Variants in NRG1 observed in about 807,000 individuals in gnomAD.
NRG1 encodes the protein neuregulin 1.
Under a neutral mutation model 63.8 loss-of-function variants are expected in NRG1, and 18 were observed. The observed-to-expected ratio is 0.28, with a 90% CI of 0.19 to 0.42. NRG1 has a LOEUF of 0.42. Among genes scored for constraint, NRG1 ranks in the 10% least tolerant of loss-of-function variants. The probability of loss-of-function intolerance (pLI) is 1.00; values close to 1 mark genes in which losing one functional copy is unlikely to be tolerated. For missense variants in NRG1, 762 were observed against 814.7 expected (o/e 0.94, Z 0.79); for synonymous variants, 302 against 301.3 (o/e 1.00, Z -0.02).
chr8:32,067,235 A>G (rs1586858132), intron 1 of NRG1, among the ~76,000 whole-genome samples: 1 of 152,164 alleles, frequency 6.6e-6, no homozygotes, highest in Non-Finnish European at 1.5e-5. Context: ...GTTGAATAGG[A>G]GTGGTGAGAG....
chr8:31,889,392 A>G (rs998289128), intron 1 of NRG1, among the ~76,000 whole-genome samples: 1 of 152,202 alleles, frequency 6.6e-6, no homozygotes, highest in Non-Finnish European at 1.5e-5. Flanking sequence ...TGAGCTAAAC[A>G]TGTGTCTACT....
At chr8:32,413,468 A>G (rs1389456509) in intron 1 of NRG1, among the ~76,000 whole-genome samples, 1 of 152,316 alleles carries the variant, frequency 6.6e-6, no homozygotes, top group African/African-American at 2.4e-5. Context: ...TTTTACTTCT[A>G]TTCTGAAGCA....
chr8:32,323,559 A>T (rs1398034364), intron 1 of NRG1, among the ~76,000 whole-genome samples: 4 of 152,226 alleles, frequency 2.6e-5, no homozygotes, highest in African/African-American at 9.6e-5. Context: ...ATGGTCCTGC[A>T]GGGATTGGAG....
chr8:31,891,439 A>G (rs1004976279), intron 1 of NRG1, among the ~76,000 whole-genome samples: 2 of 152,216 alleles, frequency 1.3e-5, no homozygotes, highest in African/African-American at 4.8e-5. Flanking sequence ...ACAATGAGGT[A>G]TCACTATCCA....
At chr8:32,353,089 C>T (rs1441210576) in intron 1 of NRG1, among the ~76,000 whole-genome samples, 1 of 150,304 alleles carries the variant, frequency 6.7e-6, no homozygotes, top group Non-Finnish European at 1.5e-5. Context: ...ACAAAAATAT[C>T]CTAGGCCTTC....
intron 1 of NRG1, among the ~76,000 whole-genome samples, chr8:32,066,613 A>C (rs1824863931): frequency 6.6e-6 from 1 of 151,468 alleles, no homozygotes; most frequent in Non-Finnish European, 1.5e-5. Context: ...GTTTGAAGTC[A>C]GGTAGCATGA....
chr8:31,863,042 T>C (rs755354864), intron 1 of NRG1, among the ~76,000 whole-genome samples: 46 of 152,176 alleles, frequency 3.0e-4, no homozygotes, highest in Non-Finnish European at 5.9e-4. Flanking sequence ...GGGTAGAGGT[T>C]GCAGAGCTTA....
intron 1 of NRG1, among the ~76,000 whole-genome samples, chr8:32,268,110 C>A (rs535501233): frequency 6.6e-6 from 1 of 152,226 alleles, no homozygotes; most frequent in East Asian, 1.9e-4. Flanking sequence ...ATTGGGGAAC[C>A]CCACATGGCA....
intron 5 of NRG1, among the ~76,000 whole-genome samples, chr8:32,717,176 T>G (rs1819457497): frequency 6.6e-6 from 1 of 152,174 alleles, no homozygotes; most frequent in Non-Finnish European, 1.5e-5. Flanking sequence ...AACTAAAATG[T>G]ACATTTTCTT....
intron 1 of NRG1, among the ~76,000 whole-genome samples, chr8:32,192,526 G>A (rs1040512843): frequency 5.9e-5 from 9 of 151,980 alleles, no homozygotes; most frequent in Admixed American, 5.9e-4. Flanking sequence ...ACTTTTAAGT[G>A]GGCACAAAAC....
rs1197892925 is a variant in NRG1, at chr8:32,126,899, G to T, written c.38-468929G>T. On this transcript the variant is annotated intron_variant, in intron 1 of 10. Coordinates refer to the NRG1 transcript ENST00000519301. ...TAGAAGAGCTTCTCAACTGACATGG[G>T]GGGAAGAGCTCTAAGGAAGATATGG... 2.0e-5 allele frequency among the ~76,000 whole-genome samples: 3 copies of T among 151,810 alleles called. No homozygotes were observed. The East Asian group carries it at 5.8e-4, about 30-fold the overall frequency.
intron 1 of NRG1, among the ~76,000 whole-genome samples, chr8:32,184,561 G>A (rs1285929583): frequency 2.6e-5 from 4 of 151,374 alleles, no homozygotes; most frequent in South Asian, 2.1e-4. Flanking sequence ...TTTAAACTGA[G>A]ATAGCTACTA....
intron 5 of NRG1, among the ~76,000 whole-genome samples, chr8:32,683,406 A>G (rs1809221227): frequency 6.6e-6 from 1 of 152,212 alleles, no homozygotes; most frequent in South Asian, 2.1e-4. Context: ...GTAGATGCAA[A>G]TTGGCATCAA....
At chr8:32,058,302 A>G (rs959465183) in intron 1 of NRG1, among the ~76,000 whole-genome samples, 5 of 152,078 alleles carry the variant, frequency 3.3e-5, no homozygotes, top group African/African-American at 1.2e-4. Flanking sequence ...AAAGCCCTCT[A>G]TATAAAAGTT....
At chr8:32,530,106 C>T (rs1336024667) in intron 1 of NRG1, among the ~76,000 whole-genome samples, 1 of 148,556 alleles carries the variant, frequency 6.7e-6, no homozygotes, top group African/African-American at 2.5e-5. Flanking sequence ...CATTATAATC[C>T]TTTTTTTTTT....
chr8:32,390,953 C>T (rs1054107840), intron 1 of NRG1, among the ~76,000 whole-genome samples: 5 of 152,300 alleles, frequency 3.3e-5, no homozygotes, highest in Non-Finnish European at 7.3e-5. Flanking sequence ...GTTCTGACAG[C>T]TACTCCAAAG....
intron 5 of NRG1, among the ~76,000 whole-genome samples, chr8:32,664,518 A>G (rs1312169701): frequency 6.6e-6 from 1 of 152,088 alleles, no homozygotes. Flanking sequence ...GATAGCGAAC[A>G]TTTATTAAGC....
At chr8:32,079,577 T>C (rs1827133818) in intron 1 of NRG1, among the ~76,000 whole-genome samples, 1 of 152,200 alleles carries the variant, frequency 6.6e-6, no homozygotes, top group Non-Finnish European at 1.5e-5. Flanking sequence ...TCTTTAAAAA[T>C]GAATACATAA....
At chr8:32,488,033 G>A (rs1826116391) in intron 1 of NRG1, among the ~76,000 whole-genome samples, 1 of 152,208 alleles carries the variant, frequency 6.6e-6, no homozygotes, top group Admixed American at 6.5e-5. Flanking sequence ...GAGCACCGCA[G>A]TCTACCCCTG....
Sources: gnomAD v4.1 joint callset for allele counts (sites outside exome capture counted in the v4.1 genomes callset) on GRCh38, gnomAD v4.1.1 for gene constraint, MANE v1.5 for transcripts, NCBI Gene and HGNC (gene_info 2026-07-23, HGNC 2026-07-21) for gene names.